The following PRORP variants were observed in gnomAD, a reference collection of about 807,000 sequenced individuals.
PRORP encodes mitochondrial ribonuclease P catalytic subunit.
Under a neutral mutation model 59.4 loss-of-function variants are expected in PRORP, and 51 were observed. That is an observed-to-expected ratio of 0.86 (90% CI 0.69 to 1.08). PRORP has a LOEUF of 1.08. Ranked by LOEUF, PRORP falls within the 50% of genes least tolerant of loss-of-function variation. The pLI is 0.00. For missense variants in PRORP, 646 were observed against 690.3 expected (o/e 0.94, Z 0.72); for synonymous variants, 231 against 245.6 (o/e 0.94, Z 0.55).
At chr14:35,125,089 T>C (rs1392699346) in intron 2 of PRORP, among the ~76,000 whole-genome samples, 2 of 152,066 alleles carry the variant, frequency 1.3e-5, no homozygotes, top group Non-Finnish European at 2.9e-5. Flanking sequence ...GCTCTCGAAC[T>C]ACCTCAGGTG....
chr14:35,142,198 A>G (rs367872091), intron 4 of PRORP, among the ~76,000 whole-genome samples: 2 of 142,142 alleles, frequency 1.4e-5, no homozygotes, highest in African/African-American at 4.9e-5. Flanking sequence ...TATCTTATGT[A>G]GAGATGGAGT....
chr14:35,252,619 C>G (rs544898383), intron 5 of PRORP, among the ~76,000 whole-genome samples: 1 of 152,220 alleles, frequency 6.6e-6, no homozygotes, highest in South Asian at 2.1e-4. Context: ...CCCTGTCCAG[C>G]TCTCTCTACG....
chr14:35,166,754 C>T (rs2048194671), intron 4 of PRORP, among the ~76,000 whole-genome samples: 1 of 152,032 alleles, frequency 6.6e-6, no homozygotes, highest in African/African-American at 2.4e-5. Flanking sequence ...CCTGGCCTAT[C>T]TGAATCTTTA....
chr14:35,254,500 C>T (rs2050698017), intron 5 of PRORP, among the ~76,000 whole-genome samples: 1 of 152,214 alleles, frequency 6.6e-6, no homozygotes, highest in African/African-American at 2.4e-5. Context: ...TCAAGCGATT[C>T]TCCTGCCTCA....
At chr14:35,162,270 CAT>C (rs1339474931) in intron 4 of PRORP, among the ~76,000 whole-genome samples, 8 of 152,140 alleles carry the variant, frequency 5.3e-5, no homozygotes, top group African/African-American at 1.2e-4. Flanking sequence ...ACAATGGAGA[CAT>C]ATTAATTTTG....
At chr14:35,260,047 T>C (rs891120707) in intron 5 of PRORP, among the ~76,000 whole-genome samples, 5 of 140,954 alleles carry the variant, frequency 3.5e-5, no homozygotes, top group African/African-American at 1.0e-4. Context: ...GGTTTCACTC[T>C]GTTGCGCAGG....
At chr14:35,230,351 C>T (rs72664880) in intron 5 of PRORP, among the ~76,000 whole-genome samples, 21 of 152,294 alleles carry the variant, frequency 1.4e-4, no homozygotes, top group Non-Finnish European at 2.9e-4. Flanking sequence ...CACGCCCAAC[C>T]CATTACTGTA....
intron 5 of PRORP, among the ~76,000 whole-genome samples, chr14:35,237,177 T>G (rs1183344280): frequency 1.3e-5 from 2 of 151,582 alleles, no homozygotes; most frequent in Non-Finnish European, 2.9e-5. Flanking sequence ...ACTGCAGCCT[T>G]GACCTCCTAG....
intron 2 of PRORP, among the ~76,000 whole-genome samples, chr14:35,125,969 G>T (rs938507678): frequency 2.6e-5 from 4 of 152,166 alleles, no homozygotes; most frequent in Non-Finnish European, 4.4e-5. Flanking sequence ...GCTGCAGGGA[G>T]CTGTGATGGC....
At position 35,158,168 on chromosome 14, in the gene PRORP, A is replaced by G. The variant is rs932311516; in HGVS notation, c.1168-22502A>G. The G allele has an allele frequency of 9.7e-5, 27 of 277,320 alleles. 1 individual carries two copies. Among genetic ancestry groups the G allele is most frequent in the Middle Eastern group, 1.1e-3 (1 of 930 alleles). The allele number at this position is 277,320 out of a possible 1,614,324, so 17.2% of individuals were successfully genotyped here. On this transcript the variant is annotated intron_variant, in intron 4 of 7. Transcript: ENST00000534898. ...GCTCCGTCTTCTTCATTTTAGCTAC[A>G]TGCTCCCTTCTTTCTTCTTCCATTT...
intron 5 of PRORP, among the ~76,000 whole-genome samples, chr14:35,241,059 A>T (rs1219734008): frequency 6.6e-6 from 1 of 152,230 alleles, no homozygotes; most frequent in African/African-American, 2.4e-5. Flanking sequence ...AACTATTATA[A>T]GTAATCTAGA....
intron 5 of PRORP, among the ~76,000 whole-genome samples, chr14:35,230,157 A>G (rs940380481): frequency 1.3e-5 from 2 of 150,396 alleles, no homozygotes; most frequent in Non-Finnish European, 2.9e-5. Context: ...GGTTCAAGCA[A>G]TTCTCCTGCC....
intron 5 of PRORP, among the ~76,000 whole-genome samples, chr14:35,204,966 G>A (rs2049254033): frequency 6.6e-6 from 1 of 151,984 alleles, no homozygotes; most frequent in Non-Finnish European, 1.5e-5. Context: ...GTCTAATAAG[G>A]TATTATTTTT....
intron 5 of PRORP, among the ~76,000 whole-genome samples, chr14:35,205,539 C>G (rs2049270229): frequency 6.6e-6 from 1 of 152,074 alleles, no homozygotes; most frequent in Non-Finnish European, 1.5e-5. Flanking sequence ...CCAGGCTGGT[C>G]TCGAACTCCT....
intron 5 of PRORP, chr14:35,262,981 T>A: frequency 6.3e-7 from 1 of 1,598,582 alleles, no homozygotes; most frequent in South Asian, 1.1e-5. Context: ...ATCAGGAAAT[T>A]TTTGGATGGT....
intron 5 of PRORP, among the ~76,000 whole-genome samples, chr14:35,202,334 G>C (rs978925151): frequency 3.3e-5 from 5 of 152,018 alleles, no homozygotes; most frequent in African/African-American, 1.2e-4. Flanking sequence ...GAAAAATGCT[G>C]TTCCTGTTTT....
intron 4 of PRORP, among the ~76,000 whole-genome samples, chr14:35,130,931 G>T (rs114660463): frequency 9.5e-5 from 13 of 137,044 alleles, no homozygotes; most frequent in African/African-American, 3.6e-4. Context: ...TGAGTCACCA[G>T]AGTAACGGTC....
At chr14:35,122,901 TGTGATCCAC>T (rs2046968097) in intron 1 of PRORP, 42 bp from the exon 2 acceptor site, 1 of 232,922 alleles carries the variant, frequency 4.3e-6, no homozygotes, top group African/African-American at 2.2e-5. Flanking sequence ...TCAGGACAGC[TGTGATCCAC>T]GTGAGTAAAA....
intron 4 of PRORP, among the ~76,000 whole-genome samples, chr14:35,150,349 G>A (rs1207165358): frequency 6.6e-6 from 1 of 152,186 alleles, no homozygotes; most frequent in African/African-American, 2.4e-5. Context: ...ATGGCTGTTG[G>A]TGGAGCAATC....
Sources: gnomAD v4.1 joint callset for allele counts (sites outside exome capture counted in the v4.1 genomes callset) on GRCh38, gnomAD v4.1.1 for gene constraint, MANE v1.5 for transcripts, NCBI Gene and HGNC (gene_info 2026-07-23, HGNC 2026-07-21) for gene names.